The following MACROD2 variants were observed in gnomAD, a reference collection of about 807,000 sequenced individuals.
MACROD2 encodes the protein ADP-ribose glycohydrolase MACROD2.
A neutral mutation model predicts 70.4 loss-of-function variants in MACROD2; 36 were observed. That is an observed-to-expected ratio of 0.51 (90% CI 0.39 to 0.68). MACROD2 has a LOEUF of 0.68. Ranked by LOEUF, MACROD2 falls within the 30% of genes least tolerant of loss-of-function variation. MACROD2 has a pLI of 0.00. For synonymous variants in MACROD2, 172 were observed against 178.8 expected (o/e 0.96, Z 0.30); for missense variants, 496 against 538.4 (o/e 0.92, Z 0.78).
rs138064473 is a variant in MACROD2 at position 14,144,718 on chromosome 20, C to T, written c.271+58990C>T. ...AAGAGGAAATTGTGTATTCCTTCAG[C>T]GACCTTTAGAAGCAGCCTGCATTTT... is the stretch of plus-strand genomic sequence containing the variant. On this transcript the variant is annotated intron_variant, in intron 3 of 17. Coordinates refer to ENST00000684519, the MANE Select transcript of MACROD2 (RefSeq NM_001351661.2). Among the ~76,000 whole-genome samples, 26 of 152,266 alleles carry T rather than the reference C, an allele frequency of 1.7e-4. No homozygotes were observed. The East Asian group carries it at 4.6e-3, about 27-fold the overall frequency.
intron 3 of MACROD2, among the ~76,000 whole-genome samples, chr20:14,240,278 A>C (rs1193461342): frequency 6.6e-6 from 1 of 152,230 alleles, no homozygotes; most frequent in Non-Finnish European, 1.5e-5. Flanking sequence ...AAAGCAGTTT[A>C]ATGATTTCCA....
intron 5 of MACROD2, among the ~76,000 whole-genome samples, chr20:14,744,543 A>G (rs1012406644): frequency 2.6e-5 from 4 of 152,164 alleles, no homozygotes; most frequent in Admixed American, 6.5e-5. Flanking sequence ...AAAACTTACA[A>G]TGTAGTAGCT....
At chr20:14,183,401 A>G (rs1474363380) in intron 3 of MACROD2, among the ~76,000 whole-genome samples, 2 of 152,050 alleles carry the variant, frequency 1.3e-5, no homozygotes, top group African/African-American at 2.4e-5. Flanking sequence ...TGGCATATAT[A>G]TACTACATTT....
intron 2 of MACROD2, among the ~76,000 whole-genome samples, chr20:14,023,300 C>A (rs907398474): frequency 1.2e-4 from 18 of 152,106 alleles, no homozygotes; most frequent in African/African-American, 4.1e-4. Flanking sequence ...TGGATATTAG[C>A]CCTTTGTCAG....
chr20:15,457,675 C>A lies in MACROD2; in HGVS notation c.571+26240C>A, dbSNP rs1008142440. ...TCTGCCTTTAGTTGTATAAATCATCCCCTTTAGTTACTTCCCTGTTTTATG... is the reference window on the plus strand; with the variant it reads ...TCTGCCTTTAGTTGTATAAATCATCACCTTTAGTTACTTCCCTGTTTTATG... On this transcript the variant is annotated intron_variant, in intron 7 of 17. Coordinates refer to ENST00000684519, the MANE Select transcript of MACROD2 (RefSeq NM_001351661.2). Among the ~76,000 whole-genome samples, 3 of 152,182 alleles carry A rather than the reference C, an allele frequency of 2.0e-5. No homozygotes were observed. The East Asian group carries it at 5.8e-4, about 29-fold the overall frequency.
intron 8 of MACROD2, among the ~76,000 whole-genome samples, chr20:15,756,440 T>G (rs1345416993): frequency 6.6e-6 from 1 of 152,162 alleles, no homozygotes; most frequent in Non-Finnish European, 1.5e-5. Flanking sequence ...GGAGGTCACA[T>G]ATCATATTGA....
chr20:14,417,103 A>G (rs1480265496), intron 3 of MACROD2, among the ~76,000 whole-genome samples: 2 of 126,794 alleles, frequency 1.6e-5, no homozygotes, highest in Admixed American at 8.2e-5. Flanking sequence ...CTATCTATCT[A>G]TCTATCTCTG....
chr20:14,851,952 G>A (rs1161111038), intron 5 of MACROD2, among the ~76,000 whole-genome samples: 3 of 152,284 alleles, frequency 2.0e-5, no homozygotes, highest in African/African-American at 7.2e-5. Context: ...AGGTGGCATG[G>A]TAATGGACCT....
rs202071247 is a variant in MACROD2 at position 14,892,143 on chromosome 20, T to G, written c.418+207184T>G. Among the ~76,000 whole-genome samples the G allele has an allele frequency of 6.6e-5, 10 of 152,306 alleles. No individual in the cohort carries two copies. The East Asian group carries it at 1.9e-3, about 29-fold the overall frequency. On this transcript the variant is annotated intron_variant, in intron 5 of 17. Transcript: ENST00000684519. The stretch of plus-strand genomic sequence containing the variant: ...GATGAACATCATTTATTGCCATGTC[T>G]TTTTGCATATTCAATAGTTATTTCT...
At chr20:14,351,845 G>A (rs1214020356) in intron 3 of MACROD2, among the ~76,000 whole-genome samples, 1 of 152,082 alleles carries the variant, frequency 6.6e-6, no homozygotes, top group Non-Finnish European at 1.5e-5. Context: ...TCCTCACTCA[G>A]TATGATGCTA....
At chr20:15,461,006 A>ATATATATATATATATTTTTTTTTTTT in intron 7 of MACROD2, among the ~76,000 whole-genome samples, 7 of 67,012 alleles carry the variant, frequency 1.0e-4, no homozygotes, top group African/African-American at 2.5e-4. Context: ...ATATATATAT[A>ATATATATATATATATTTTTTTTTTTT]TTTTTTTTTA....
At chr20:14,471,643 T>C (rs1272272039) in intron 3 of MACROD2, among the ~76,000 whole-genome samples, 3 of 152,184 alleles carry the variant, frequency 2.0e-5, no homozygotes, top group Non-Finnish European at 4.4e-5. Flanking sequence ...TTACTAATTT[T>C]TGTTTCATTG....
intron 8 of MACROD2, among the ~76,000 whole-genome samples, chr20:15,857,261 G>A (rs1601004182): frequency 2.6e-5 from 4 of 152,204 alleles, no homozygotes; most frequent in South Asian, 2.1e-4. Flanking sequence ...CATCTGGACA[G>A]GGCCAGAAGT....
intron 6 of MACROD2, among the ~76,000 whole-genome samples, chr20:15,344,976 T>TTAGGGTGCTGGC (rs2078149182): frequency 6.6e-6 from 1 of 152,160 alleles, no homozygotes; most frequent in Non-Finnish European, 1.5e-5. Flanking sequence ...AAGCCTGAGA[T>TTAGGGTGCTGGC]TAGGGTGCTG....
At chr20:15,741,258 AT>A (rs1212650313) in intron 8 of MACROD2, among the ~76,000 whole-genome samples, 2,440 of 139,934 alleles carry the variant, frequency 0.017, 26 homozygotes, top group East Asian at 0.075. Context: ...CACCCGGCTA[AT>A]TTTTTTTTTT....
intron 5 of MACROD2, among the ~76,000 whole-genome samples, chr20:14,824,982 G>A (rs2072885925): frequency 6.6e-6 from 1 of 152,068 alleles, no homozygotes; most frequent in Non-Finnish European, 1.5e-5. Context: ...TGACCTGCAG[G>A]AGGTTACAAA....
rs1428852476 is a variant in MACROD2 at position 15,986,629 on chromosome 20, CT to C, written c.986-97del. 98 of 812,830 alleles carry C rather than the reference CT, an allele frequency of 1.2e-4. No homozygotes were observed. The East Asian group carries it at 2.5e-3, about 21-fold the overall frequency. 50.4% of individuals were successfully genotyped at this position (812,830 alleles called of 1,614,324 possible). On this transcript the variant is annotated intron_variant, in intron 13 of 17. Coordinates refer to ENST00000684519, the MANE Select transcript of MACROD2 (RefSeq NM_001351661.2). Reference sequence around the variant, plus strand: ...TTGGTTTCAAAACTGTTCTCTATCTCTCCATGCATGATTAAAGCACGGTTTC... The same window carrying C: ...TTGGTTTCAAAACTGTTCTCTATCTCCCATGCATGATTAAAGCACGGTTTC...
intron 5 of MACROD2, among the ~76,000 whole-genome samples, chr20:15,061,530 G>A (rs529043161): frequency 8.5e-5 from 13 of 152,172 alleles, no homozygotes; most frequent in South Asian, 6.2e-4. Flanking sequence ...TCCCACTCCC[G>A]TGCTGATATT....
chr20:15,519,888 G>C (rs1461481845), intron 8 of MACROD2, among the ~76,000 whole-genome samples: 1 of 152,192 alleles, frequency 6.6e-6, no homozygotes, highest in Non-Finnish European at 1.5e-5. Context: ...CTCCCCAACA[G>C]TTCCATAATC....
Sources: allele counts gnomAD v4.1 joint callset (sites outside exome capture counted in the v4.1 genomes callset), GRCh38; gene constraint gnomAD v4.1.1; transcripts MANE v1.5; gene names NCBI Gene and HGNC (gene_info 2026-07-23, HGNC 2026-07-21).